SLC15A2: variants seen among roughly 807,000 people sequenced by gnomAD.
The protein encoded by SLC15A2 is kidney H(+)/peptide cotransporter.
Under a neutral mutation model 95.5 loss-of-function variants are expected in SLC15A2, and 77 were observed. That is an observed-to-expected ratio of 0.81 (90% CI 0.67 to 0.97). SLC15A2 has a LOEUF of 0.97. Among genes scored for constraint, SLC15A2 ranks in the 50% least tolerant of loss-of-function variants. SLC15A2 has a pLI of 0.00. For synonymous variants in SLC15A2, 306 were observed against 306.9 expected, an observed-to-expected ratio of 1.00 and a Z score of 0.03; for missense variants, 893 against 874.4, an observed-to-expected ratio of 1.02 and a Z score of -0.27.
chr3:121,928,110 C>T (rs554248230), intron 14 of SLC15A2, among the ~76,000 whole-genome samples: 3 of 152,312 alleles, frequency 2.0e-5, no homozygotes, highest in South Asian at 2.1e-4. Flanking sequence ...GGAACACAGG[C>T]TTATGTGATG....
chr3:121,927,794 A>G lies in SLC15A2; in HGVS notation c.1161A>G (p.Ala387=), dbSNP rs1143670. The stretch of plus-strand genomic sequence containing the variant: ...AAATGGCTGTTGGTATGATCCTAGC[A>G]TGCCTGGCATTTGCAGTTGCGGCAG... The part of the protein sequence containing the change: ...LRKMAVGMIL[A]CLAFAVAAAV... The change falls in exon 14 of 22, where the codon GCA becomes GCG. Residue 387 remains alanine, a synonymous_variant. Coordinates refer to ENST00000489711, the MANE Select transcript of SLC15A2 (RefSeq NM_021082.4). 728,160 of 1,611,122 alleles carry G rather than the reference A, an allele frequency of 0.45. 169,478 individuals are homozygous for G. The highest frequency in any genetic ancestry group is 0.72 in the East Asian group (32,277 of 44,864).
At chr3:121,939,730 C>T (rs1710422359) in intron 20 of SLC15A2, among the ~76,000 whole-genome samples, 1 of 152,070 alleles carries the variant, frequency 6.6e-6, no homozygotes, top group African/African-American at 2.4e-5. Context: ...TGAAGAGCTG[C>T]AGAGTCAGAC....
At chr3:121,922,109 T>C (rs959867607) in intron 7 of SLC15A2, 111 bp from the exon 8 acceptor site, 3 of 784,644 alleles carry the variant, frequency 3.8e-6, no homozygotes, top group Middle Eastern at 2.5e-4. Context: ...TTTAGGTTTG[T>C]GCAAAAGTTA....
intron 5 of SLC15A2, chr3:121,914,857 CA>C (rs59852441): frequency 0.26 from 40,960 of 158,194 alleles, 2,175 homozygotes; most frequent in Admixed American, 0.41. Flanking sequence ...GACTCCATCT[CA>C]AAAAAAAAAA....
chr3:121,922,232 T>C lies in SLC15A2; in HGVS notation c.710T>C (p.Met237Thr), dbSNP rs1710020030. 2 of 1,613,788 alleles carry C rather than the reference T, an allele frequency of 1.2e-6. No homozygotes were observed. Among genetic ancestry groups the C allele is most frequent in the Non-Finnish European group, 1.7e-6 (2 of 1,179,746 alleles). ...LMVIALVVFA[M>T]GSKIYNKPPP... Reference sequence around the variant, plus strand: ...GTATCAACTGCAGTTGTGTTTGCAATGGGAAGCAAAATATACAATAAACCA... The same window carrying C: ...GTATCAACTGCAGTTGTGTTTGCAACGGGAAGCAAAATATACAATAAACCA... The change falls in exon 8 of 22, where the codon ATG becomes ACG. Residue 237 changes from methionine to threonine, a missense_variant. By Grantham distance (81) the Met-to-Thr change is moderately conservative. Transcript: ENST00000489711.
Position 121,940,466 on chromosome 3 carries a change from C to T in SLC15A2, c.1991C>T (p.Ala664Val). Residue 664 changes from alanine to valine, a missense_variant, in exon 21 of 22, where the codon GCA (alanine) becomes GTA (valine). Physicochemically the swap from Ala to Val is moderately conservative, Grantham distance 64. Coordinates refer to ENST00000489711, the MANE Select transcript of SLC15A2 (RefSeq NM_021082.4). Reference sequence around the variant, plus strand: ...GGGAATATCATCGTGCTTGTTGTGGCACAGTTCAGTGGCCTGGTACAGGTA... The same window carrying T: ...GGGAATATCATCGTGCTTGTTGTGGTACAGTTCAGTGGCCTGGTACAGGTA... ...AVGNIIVLVVAQFSGLVQWAE... is the reference protein window; with the variant it reads ...AVGNIIVLVVVQFSGLVQWAE... The T allele has an allele frequency of 6.2e-7, 1 of 1,613,922 alleles. No homozygotes were observed. The highest frequency in any genetic ancestry group is 2.2e-5 in the East Asian group (1 of 44,884).
rs1482356966 is a variant in SLC15A2 at position 121,915,309 on chromosome 3, T to C, written c.611T>C (p.Met204Thr). The C allele has an allele frequency of 2.5e-6, 4 of 1,596,102 alleles. No individual in the cohort carries two copies. Among genetic ancestry groups the C allele is most frequent in the Non-Finnish European group, 3.4e-6 (4 of 1,172,532 alleles). The change falls in exon 6 of 22, where the codon ATG becomes ACG. Residue 204 changes from methionine (M) to threonine (T), a missense_variant. Met to Thr is a moderately conservative substitution (Grantham distance 81). Coordinates refer to ENST00000489711, the MANE Select transcript of SLC15A2 (RefSeq NM_021082.4). The part of the protein sequence containing the change: ...GSLISTFITP[M>T]LRGDVQCFGE... The stretch of plus-strand genomic sequence containing the variant: ...TTGATTTCTACATTTATCACACCCA[T>C]GCTGAGAGGTTAGGATTTTTTTGAG...
At chr3:121,923,709 G>A (rs2689291) in intron 11 of SLC15A2, among the ~76,000 whole-genome samples, 67,842 of 151,950 alleles carry the variant, frequency 0.45, 15,686 homozygotes, top group East Asian at 0.69. Flanking sequence ...AAGGTTATAC[G>A]TATTATTTTC....
intron 19 of SLC15A2, among the ~76,000 whole-genome samples, chr3:121,937,611 T>C (rs1250599551): frequency 6.6e-6 from 1 of 151,982 alleles, no homozygotes; most frequent in Non-Finnish European, 1.5e-5. Context: ...GGTTTTCAGC[T>C]CCATCAGCTC....
At chr3:121,902,715 T>A (rs1709544071) in intron 3 of SLC15A2, among the ~76,000 whole-genome samples, 2 of 152,234 alleles carry the variant, frequency 1.3e-5, no homozygotes, top group African/African-American at 4.8e-5. Flanking sequence ...TTGCATAGTA[T>A]TCCATGGTGT....
chr3:121,913,037 G>A lies in SLC15A2; in HGVS notation c.445G>A (p.Gly149Ser), dbSNP rs759936043. Reference sequence around the variant, plus strand: ...CCATTTCAGAGTCCTATCATTGATCGGCCTGAGTCTAATAGCTTTGGGGAC... The same window carrying A: ...CCATTTCAGAGTCCTATCATTGATCAGCCTGAGTCTAATAGCTTTGGGGAC... ...QVVHTVLSLI[G>S]LSLIALGTGG... Residue 149 changes from glycine (G) to serine (S), a missense_variant, in exon 5 of 22, where the codon GGC becomes AGC. By Grantham distance (56) the Gly-to-Ser change is moderately conservative. Transcript: ENST00000489711. 1.8e-5 allele frequency: 29 copies of A among 1,612,608 alleles called. No individual in the cohort carries two copies. The highest frequency in any genetic ancestry group is 3.3e-5 in the Admixed American group (2 of 59,966).
At chr3:121,925,642 A>C (rs1710100176) in intron 13 of SLC15A2, among the ~76,000 whole-genome samples, 1 of 145,930 alleles carries the variant, frequency 6.9e-6, no homozygotes, top group African/African-American at 2.5e-5. Context: ...GAAGTTTAGG[A>C]CCAAGTGTCA....
At chr3:121,900,769 C>A (rs945804450) in intron 3 of SLC15A2, among the ~76,000 whole-genome samples, 2 of 151,992 alleles carry the variant, frequency 1.3e-5, no homozygotes, top group Non-Finnish European at 2.9e-5. Context: ...GTATTCTCTG[C>A]CCCCTCACCT....
At chr3:121,936,480 TA>T (rs1710349627) in intron 19 of SLC15A2, among the ~76,000 whole-genome samples, 1 of 152,122 alleles carries the variant, frequency 6.6e-6, no homozygotes, top group South Asian at 2.1e-4. Flanking sequence ...TTAGGATAGT[TA>T]GCTCTTCTTG....
intron 7 of SLC15A2, among the ~76,000 whole-genome samples, chr3:121,917,407 G>T (rs1709916955): frequency 6.6e-6 from 1 of 152,138 alleles, no homozygotes; most frequent in Non-Finnish European, 1.5e-5. Flanking sequence ...GACCTTGAGG[G>T]ACCGGGCATA....
intron 3 of SLC15A2, among the ~76,000 whole-genome samples, chr3:121,911,004 T>C (rs1709755946): frequency 2.0e-5 from 3 of 152,206 alleles, no homozygotes; most frequent in African/African-American, 7.2e-5. Context: ...GGATTACAAT[T>C]AATCCAAGAG....
intron 12 of SLC15A2, 141 bp downstream of exon 12, chr3:121,924,524 C>T: frequency 1.3e-6 from 1 of 782,250 alleles, no homozygotes. Context: ...TGAAAACATT[C>T]CCATTAAGCC....
intron 3 of SLC15A2, 99 bp downstream of exon 3, chr3:121,897,628 C>G: frequency 6.7e-6 from 8 of 1,188,440 alleles, no homozygotes; most frequent in Non-Finnish European, 9.5e-6. Context: ...ATACCTATGT[C>G]ATGCGTGAAA....
At chr3:121,925,594 A>G (rs1422107924) in intron 13 of SLC15A2, among the ~76,000 whole-genome samples, 4 of 150,560 alleles carry the variant, frequency 2.7e-5, no homozygotes, top group Non-Finnish European at 5.9e-5. Flanking sequence ...ACCAGATGAA[A>G]ATGGCCCTTT....
Sources: allele counts gnomAD v4.1 joint callset (sites outside exome capture counted in the v4.1 genomes callset), GRCh38; gene constraint gnomAD v4.1.1; transcripts MANE v1.5; gene names NCBI Gene and HGNC (gene_info 2026-07-23, HGNC 2026-07-21).